Variants in ZNF10 observed in about 807,000 individuals in gnomAD.
ZNF10 encodes the protein zinc finger protein 10, also known as zinc finger protein 10 (KOX 1).
In ZNF10, 8 loss-of-function variants were observed where a neutral mutation model predicts 12.2. That is an observed-to-expected ratio of 0.66 (90% confidence interval 0.39 to 1.18). The LOEUF (loss-of-function observed/expected upper bound fraction) is 1.18. Ranked by LOEUF, ZNF10 falls within the 50% of genes most tolerant of loss-of-function variation. ZNF10 has a pLI of 0.01. For missense variants in ZNF10, 603 were observed against 678.9 expected, an observed-to-expected ratio of 0.89 and a Z score of 1.24; for synonymous variants, 229 against 228.2, an observed-to-expected ratio of 1.00 and a Z score of -0.03.
At chr12:133,150,857 C>A in intron 2 of ZNF10, 171 bp from the exon 3 acceptor site, 1 of 626,566 alleles carries the variant, frequency 1.6e-6, no homozygotes, top group East Asian at 3.1e-5. Context: ...AATAGCCATT[C>A]CTTTTAAGAC....
chr12:133,144,822 A>G, intron 2 of ZNF10: 1 of 493,448 alleles, frequency 2.0e-6, no homozygotes, highest in South Asian at 1.6e-5. Flanking sequence ...AGGCTAATAC[A>G]AGAAAAAGAT....
intron 1 of ZNF10, among the ~76,000 whole-genome samples, chr12:133,133,370 A>G (rs951593446): frequency 2.0e-5 from 3 of 152,226 alleles, no homozygotes; most frequent in Non-Finnish European, 2.9e-5. Flanking sequence ...GTACCTGTCA[A>G]TGTGAGTGCT....
chr12:133,150,996 C>T, intron 2 of ZNF10, 32 bp from the exon 3 acceptor site: 4 of 1,602,900 alleles, frequency 2.5e-6, no homozygotes, highest in Non-Finnish European at 2.6e-6. Flanking sequence ...AGATGCATAT[C>T]TGGTGCAATG....
At chr12:133,131,328 C>T (rs926821769) in intron 1 of ZNF10, among the ~76,000 whole-genome samples, 3 of 65,448 alleles carry the variant, frequency 4.6e-5, no homozygotes, top group Non-Finnish European at 1.0e-4. Context: ...TTTCCCTTGA[C>T]ACTAGATATA....
At chr12:133,152,791 T>C (rs1011095836) in intron 4 of ZNF10, among the ~76,000 whole-genome samples, 2 of 152,224 alleles carry the variant, frequency 1.3e-5, no homozygotes, top group Admixed American at 1.3e-4. Context: ...TTGAGTGTGA[T>C]GTAAATTAAA....
Position 133,156,659 on chromosome 12 carries a change from C to T in ZNF10, c.1413C>T (p.Ser471=), listed in dbSNP as rs1956044134. 1 of 1,613,940 alleles carries T rather than the reference C, an allele frequency of 6.2e-7. No individual in the cohort carries two copies. The highest frequency in any genetic ancestry group is 8.5e-7 in the Non-Finnish European group (1 of 1,180,006). ...GTCATGATTGTGGAAAATCTTTCAG[C>T]CAGAGTTCTGCCCTTATTGTGCATC... ...YECHDCGKSF[S]QSSALIVHQR... Residue 471 remains serine (S), a synonymous_variant, in exon 5 of 5, where the codon AGC becomes AGT. Coordinates refer to ENST00000248211, the MANE Select transcript of ZNF10 (RefSeq NM_015394.5).
Position 133,156,823 on chromosome 12 carries a change from T to C in ZNF10, c.1577T>C (p.Phe526Ser), listed in dbSNP as rs1315262987. The C allele has an allele frequency of 1.3e-6, 2 of 1,545,182 alleles. No individual in the cohort carries two copies. Among genetic ancestry groups the C allele is most frequent in the Non-Finnish European group, 8.7e-7 (1 of 1,149,408 alleles). Residue 526 changes from phenylalanine (F) to serine (S), a missense_variant, in exon 5 of 5, where the codon TTC (phenylalanine) becomes TCC (serine). Around this residue, in one of 3 missense-constraint regions of ZNF10, gnomAD observed 204 missense variants for 262.8 expected, o/e 0.78. Coordinates refer to ENST00000248211, the MANE Select transcript of ZNF10 (RefSeq NM_015394.5). ...AAATGTAATCAATGTGGCATTATCT[T>C]CAGCCAGAACTCTCCATTTATAGTT... is the stretch of plus-strand genomic sequence containing the variant. ...TYKCNQCGII[F>S]SQNSPFIVHQ...
At chr12:133,133,236 C>A (rs2137636409) in intron 1 of ZNF10, among the ~76,000 whole-genome samples, 1 of 152,256 alleles carries the variant, frequency 6.6e-6, no homozygotes, top group African/African-American at 2.4e-5. Flanking sequence ...TTTTGCTGAT[C>A]ATACCTTGCC....
At chr12:133,140,983 C>T (rs1414838184) in intron 1 of ZNF10, among the ~76,000 whole-genome samples, 2 of 152,048 alleles carry the variant, frequency 1.3e-5, no homozygotes, top group East Asian at 3.9e-4. Context: ...GGGAAAGAGT[C>T]CTCTAAAGGA....
chr12:133,153,751 G>A (rs1956022365), intron 4 of ZNF10, among the ~76,000 whole-genome samples: 1 of 152,200 alleles, frequency 6.6e-6, no homozygotes, highest in Admixed American at 6.5e-5. Context: ...CCAGCAGTTA[G>A]GTGGCTCAAA....
chr12:133,158,047 G>A lies in ZNF10; in HGVS notation c.*1079G>A, dbSNP rs1309136787. On this transcript the variant is annotated 3_prime_UTR_variant, in exon 5 of 5. Transcript: ENST00000248211. Reference sequence around the variant, plus strand: ...TAAAGAAAGATTAGTGTTTAAGAGCGTAGACTTGAGCTAGACTACCCAGGT... The same window carrying A: ...TAAAGAAAGATTAGTGTTTAAGAGCATAGACTTGAGCTAGACTACCCAGGT... 1.3e-5 allele frequency: 2 copies of A among 152,178 alleles called. No individual in the cohort carries two copies. Among genetic ancestry groups the A allele is most frequent in the East Asian group, 1.9e-4 (1 of 5,196 alleles). 9.4% of individuals were successfully genotyped at this position (152,178 alleles called of 1,614,324 possible).
In ZNF10 at chr12:133,150,962, G is replaced by T. The variant is rs1188980362; in HGVS notation, c.34-66G>T. 5 of 1,547,700 alleles carry T rather than the reference G, an allele frequency of 3.2e-6. No homozygotes were observed. The African/African-American group carries it at 6.8e-5, about 21-fold the overall frequency. ...GTCAGCTTAATTTCTCTTCCTGTTA[G>T]CGATCAGGAAAGGGGGATAGCAAAG... On this transcript the variant is annotated intron_variant, in intron 2 of 4. Coordinates refer to ENST00000248211, the MANE Select transcript of ZNF10 (RefSeq NM_015394.5).
intron 1 of ZNF10, among the ~76,000 whole-genome samples, chr12:133,138,773 A>G (rs568557720): frequency 2.6e-5 from 4 of 152,320 alleles, no homozygotes; most frequent in Non-Finnish European, 5.9e-5. Context: ...CTGAATGGCT[A>G]CTACTCTGTT....
chr12:133,141,720 G>A (rs767730850), intron 1 of ZNF10, among the ~76,000 whole-genome samples: 5 of 152,080 alleles, frequency 3.3e-5, no homozygotes, highest in Non-Finnish European at 7.4e-5. Flanking sequence ...GTAGCCTACC[G>A]TATGAGTAAT....
chr12:133,149,778 C>T (rs1955997009), intron 2 of ZNF10, among the ~76,000 whole-genome samples: 1 of 150,964 alleles, frequency 6.6e-6, no homozygotes, highest in Non-Finnish European at 1.5e-5. Flanking sequence ...ATTATATGTT[C>T]TCTGTATATC....
intron 2 of ZNF10, among the ~76,000 whole-genome samples, chr12:133,145,532 A>G (rs1472664786): frequency 6.6e-6 from 1 of 152,186 alleles, no homozygotes; most frequent in Non-Finnish European, 1.5e-5. Flanking sequence ...TATATAGGCC[A>G]GGTGCGGTGG....
chr12:133,151,668 G>A (rs1205066841), intron 3 of ZNF10, 141 bp from the exon 4 acceptor site: 1 of 498,502 alleles, frequency 2.0e-6, no homozygotes, highest in Non-Finnish European at 3.6e-6. Flanking sequence ...AATAAAATAA[G>A]TTTTCCTGCC....
chr12:133,133,780 C>T (rs1029405598), intron 1 of ZNF10, among the ~76,000 whole-genome samples: 2 of 152,214 alleles, frequency 1.3e-5, no homozygotes, highest in African/African-American at 2.4e-5. Flanking sequence ...TAGTAACTTT[C>T]ATAGCCTTCT....
intron 2 of ZNF10, among the ~76,000 whole-genome samples, chr12:133,146,833 G>T (rs1347465094): frequency 6.6e-6 from 1 of 151,346 alleles, no homozygotes; most frequent in African/African-American, 2.4e-5. Flanking sequence ...GTGAAAGAGC[G>T]AAACTCCATC....
Sources: allele counts gnomAD v4.1 joint callset (sites outside exome capture counted in the v4.1 genomes callset), GRCh38; gene constraint gnomAD v4.1.1; regional missense constraint gnomAD v4.1.1; transcripts MANE v1.5; gene names NCBI Gene and HGNC (gene_info 2026-07-23, HGNC 2026-07-21).